The following PLA2G4E variants were observed in gnomAD, a reference collection of about 807,000 sequenced individuals.
The protein encoded by PLA2G4E is phospholipase A2 group IVE.
Under a neutral mutation model 109.1 loss-of-function variants are expected in PLA2G4E, and 84 were observed. The observed-to-expected ratio is 0.77, with a 90% CI of 0.65 to 0.92. PLA2G4E has a LOEUF of 0.92. Ranked by LOEUF, PLA2G4E falls within the 40% of genes least tolerant of loss-of-function variation. PLA2G4E has a pLI of 0.00. For synonymous variants in PLA2G4E, 469 were observed against 436.1 expected (o/e 1.08, Z -0.94); for missense variants, 1,057 against 1,076.6 (o/e 0.98, Z 0.25).
At chr15:41,989,727 GCAAGGGTCAGCTTTGC>G (rs1466802890) in intron 14 of PLA2G4E, among the ~76,000 whole-genome samples, 175 bp from the exon 15 acceptor site, 1 of 152,198 alleles carries the variant, frequency 6.6e-6, no homozygotes, top group Admixed American at 6.5e-5. Context: ...TGCTGGTGTA[GCAAGGGTCAGCTTTGC>G]CATGCTTTGC....
chr15:41,990,349 C>G, intron 13 of PLA2G4E, 114 bp from the exon 14 acceptor site: 1 of 917,824 alleles, frequency 1.1e-6, no homozygotes, highest in Non-Finnish European at 1.7e-6. Flanking sequence ...CCTGAGCTCA[C>G]CGGGCTGCTG....
At chr15:42,036,195 C>A (rs112429562) in intron 1 of PLA2G4E, among the ~76,000 whole-genome samples, 1,943 of 152,280 alleles carry the variant, frequency 0.013, 45 homozygotes, top group African/African-American at 0.045. Flanking sequence ...AGGGAGGGTG[C>A]GGGGAGGAGG....
chr15:41,987,647 G>A (rs548842234), intron 16 of PLA2G4E, among the ~76,000 whole-genome samples: 53 of 152,214 alleles, frequency 3.5e-4, no homozygotes, highest in African/African-American at 1.3e-3. Context: ...AGTGACCTGT[G>A]ACTGCTATAG....
chr15:41,982,562 G>A (rs1448775781), exon 20 of PLA2G4E: 1 of 152,336 alleles, frequency 6.6e-6, no homozygotes, highest in African/African-American at 2.4e-5. Context: ...GGCAGCCAGA[G>A]AGATGGGCAG....
intron 6 of PLA2G4E, among the ~76,000 whole-genome samples, chr15:42,002,282 A>AC (rs2068429602): frequency 6.6e-6 from 1 of 150,590 alleles, no homozygotes; most frequent in East Asian, 1.9e-4. Flanking sequence ...AAAAAAAAAA[A>AC]AAAAAGGTAA....
chr15:42,044,747 C>T (rs1294394417), intron 1 of PLA2G4E, among the ~76,000 whole-genome samples: 1 of 151,218 alleles, frequency 6.6e-6, no homozygotes, highest in African/African-American at 2.4e-5. Context: ...AACAAACCTG[C>T]ATGTTGTGCA....
intron 2 of PLA2G4E, among the ~76,000 whole-genome samples, chr15:42,008,422 CT>C (rs1234652400): frequency 6.6e-6 from 1 of 152,224 alleles, no homozygotes; most frequent in Non-Finnish European, 1.5e-5. Flanking sequence ...CTCCATATGG[CT>C]TAATGCCTCC....
chr15:42,033,257 G>C (rs962341238), intron 1 of PLA2G4E, among the ~76,000 whole-genome samples: 1 of 152,126 alleles, frequency 6.6e-6, no homozygotes, highest in Admixed American at 6.5e-5. Flanking sequence ...TGTGGTCCTG[G>C]AGCCTGGTTT....
intron 12 of PLA2G4E, among the ~76,000 whole-genome samples, chr15:41,993,848 T>A (rs1413822656): frequency 6.6e-6 from 1 of 152,182 alleles, no homozygotes; most frequent in Non-Finnish European, 1.5e-5. Context: ...CCCATTCATT[T>A]TATACTTTAA....
intron 2 of PLA2G4E, 92 bp downstream of exon 2, chr15:42,013,593 A>G: frequency 7.8e-7 from 1 of 1,274,336 alleles, no homozygotes; most frequent in Non-Finnish European, 1.1e-6. Flanking sequence ...GCGCACACAC[A>G]CACACGGATC....
intron 17 of PLA2G4E, 88 bp from the exon 18 acceptor site, chr15:41,986,093 T>C: frequency 7.1e-7 from 1 of 1,399,612 alleles, no homozygotes; most frequent in Non-Finnish European, 9.7e-7. Flanking sequence ...GCGCCCTGTC[T>C]GGAGCATCCT....
intron 1 of PLA2G4E, 21 bp from the exon 2 acceptor site, chr15:42,013,778 G>A (rs1247777324): frequency 1.3e-6 from 2 of 1,542,856 alleles, no homozygotes; most frequent in East Asian, 2.4e-5. Context: ...AGAGGACAGA[G>A]GACTCAGTCT....
In PLA2G4E at chr15:41,987,247, C is replaced by G. The variant is rs781222429; in HGVS notation, c.1960G>C (p.Glu654Gln). ...AGCCCAGACAGGAAGTTGTGAAACT[C>G]AGACACGAAGGACCGATGGGTAAGG... Residue 654 changes from glutamate to glutamine, a missense_variant, in exon 17 of 20, where the codon GAG becomes CAG. Physicochemically the swap from Glu to Gln is conservative, Grantham distance 29. Coordinates refer to ENST00000399518, the Ensembl canonical transcript of PLA2G4E. 2.5e-6 allele frequency: 4 copies of G among 1,613,904 alleles called. No individual in the cohort carries two copies. The highest frequency in any genetic ancestry group is 2.7e-5 in the African/African-American group (2 of 74,932).
At chr15:42,030,661 A>G (rs1038307941) in intron 1 of PLA2G4E, among the ~76,000 whole-genome samples, 2 of 152,174 alleles carry the variant, frequency 1.3e-5, no homozygotes, top group Non-Finnish European at 2.9e-5. Context: ...ATTAAGCTAG[A>G]ACAGAGTCCT....
intron 1 of PLA2G4E, among the ~76,000 whole-genome samples, chr15:42,047,752 G>T (rs763893349): frequency 6.6e-6 from 1 of 152,100 alleles, no homozygotes; most frequent in Non-Finnish European, 1.5e-5. Context: ...ATCATGTTCA[G>T]ATATTTCACA....
At chr15:41,990,781 C>A (rs2068234494) in intron 13 of PLA2G4E, among the ~76,000 whole-genome samples, 1 of 115,226 alleles carries the variant, frequency 8.7e-6, no homozygotes, top group Non-Finnish European at 1.6e-5. Flanking sequence ...AGACTTAGGA[C>A]TTGAACACTA....
intron 1 of PLA2G4E, among the ~76,000 whole-genome samples, chr15:42,050,344 G>A (rs1889485654): frequency 6.6e-6 from 1 of 152,198 alleles, no homozygotes; most frequent in Non-Finnish European, 1.5e-5. Context: ...GAGCACAGAG[G>A]GAGGTAAGGA....
At chr15:42,036,428 G>A (rs1328714842) in intron 1 of PLA2G4E, among the ~76,000 whole-genome samples, 1 of 152,202 alleles carries the variant, frequency 6.6e-6, no homozygotes, top group Non-Finnish European at 1.5e-5. Context: ...TCTGAAAGTG[G>A]GAGCGGTGCC....
Position 42,021,919 on chromosome 15 carries a change from G to A in PLA2G4E, c.184-8162C>T, listed in dbSNP as rs528543519. Among the ~76,000 whole-genome samples, 7 of 152,326 alleles carry A rather than the reference G, an allele frequency of 4.6e-5. No homozygotes were observed. The South Asian group carries it at 1.5e-3, about 32-fold the overall frequency. ...ACAGACTGGGCCTGAATGCAGGGATGGAACCTGGTTGGAGGTACCTGTGGG... is the reference window on the plus strand; with the variant it reads ...ACAGACTGGGCCTGAATGCAGGGATAGAACCTGGTTGGAGGTACCTGTGGG... On this transcript the variant is annotated intron_variant, in intron 1 of 19. Coordinates refer to ENST00000399518, the Ensembl canonical transcript of PLA2G4E.
Sources: allele counts gnomAD v4.1 joint callset (sites outside exome capture counted in the v4.1 genomes callset), GRCh38; gene constraint gnomAD v4.1.1; transcripts MANE v1.5; gene names NCBI Gene and HGNC (gene_info 2026-07-23, HGNC 2026-07-21).